The following EYS variants were observed in gnomAD, a reference collection of about 807,000 sequenced individuals.
EYS encodes protein eyes shut homolog.
EYS carries 250 observed loss-of-function variants against 282.1 expected under a neutral mutation model. That is an observed-to-expected ratio of 0.89 (90% CI 0.80 to 0.98). The LOEUF is 0.98. EYS is among the 50% of genes least tolerant of loss of function. The pLI, the probability that EYS is intolerant of heterozygous loss-of-function variation, is 0.00. For synonymous variants in EYS, 1,355 were observed against 1,282.9 expected (o/e 1.06, Z -1.20); for missense variants, 4,016 against 3,709.0 (o/e 1.08, Z -2.15).
At chr6:65,574,497 A>G (rs1764590500) in intron 2 of EYS, among the ~76,000 whole-genome samples, 1 of 152,174 alleles carries the variant, frequency 6.6e-6, no homozygotes, top group South Asian at 2.1e-4. Flanking sequence ...TATCAGGTAA[A>G]ATAAACTTTA....
intron 2 of EYS, among the ~76,000 whole-genome samples, chr6:65,533,160 G>A (rs1204886445): frequency 3.3e-5 from 5 of 151,834 alleles, no homozygotes; most frequent in Admixed American, 6.6e-5. Flanking sequence ...GAACAACACC[G>A]ATCCCACAGA....
At chr6:64,343,246 A>C (rs1771209739) in intron 29 of EYS, among the ~76,000 whole-genome samples, 1 of 152,050 alleles carries the variant, frequency 6.6e-6, no homozygotes, top group Non-Finnish European at 1.5e-5. Flanking sequence ...AAATCAACAG[A>C]ATATACATTT....
At chr6:64,617,022 A>G (rs1004627233) in intron 24 of EYS, among the ~76,000 whole-genome samples, 17 of 152,120 alleles carry the variant, frequency 1.1e-4, no homozygotes, top group African/African-American at 2.2e-4. Context: ...CCTCGGACAT[A>G]CAATATGCTG....
intron 12 of EYS, among the ~76,000 whole-genome samples, chr6:65,091,322 C>A (rs1484106338): frequency 6.8e-6 from 1 of 147,728 alleles, no homozygotes; most frequent in Non-Finnish European, 1.5e-5. Context: ...TGGTGGTAGG[C>A]ACCTGTAATC....
At chr6:64,567,373 A>C (rs1765597073) in intron 26 of EYS, among the ~76,000 whole-genome samples, 1 of 152,142 alleles carries the variant, frequency 6.6e-6, no homozygotes, top group Non-Finnish European at 1.5e-5. Flanking sequence ...TCTTGCCATT[A>C]ATTTATCTAT....
chr6:64,951,940 G>A (rs556412676), intron 14 of EYS, among the ~76,000 whole-genome samples: 1 of 151,872 alleles, frequency 6.6e-6, no homozygotes, highest in Non-Finnish European at 1.5e-5. Flanking sequence ...TTCAAAAGAT[G>A]GCAAAAAGAG....
intron 5 of EYS, among the ~76,000 whole-genome samples, chr6:65,405,680 G>C (rs1766705608): frequency 6.6e-6 from 1 of 151,928 alleles, no homozygotes; most frequent in South Asian, 2.1e-4. Flanking sequence ...TCATTAGAAA[G>C]GTATGATGGA....
At chr6:63,757,359 C>G (rs1211013392) in intron 41 of EYS, among the ~76,000 whole-genome samples, 1 of 152,044 alleles carries the variant, frequency 6.6e-6, no homozygotes, top group African/African-American at 2.4e-5. Flanking sequence ...AATTTGAGGT[C>G]TGACTGGTTC....
chr6:65,541,865 T>G (rs1350104933), intron 2 of EYS, among the ~76,000 whole-genome samples: 5 of 151,958 alleles, frequency 3.3e-5, no homozygotes, highest in Non-Finnish European at 7.4e-5. Context: ...AAGAAATGAG[T>G]GATTGTATAT....
chr6:64,944,794 C>T (rs942966646), intron 15 of EYS, among the ~76,000 whole-genome samples: 14 of 152,018 alleles, frequency 9.2e-5, no homozygotes, highest in African/African-American at 2.4e-4. Context: ...AGAGAAAAAC[C>T]GCCCTATGGT....
intron 22 of EYS, among the ~76,000 whole-genome samples, chr6:64,720,358 C>G (rs568640641): frequency 1.3e-5 from 2 of 152,202 alleles, no homozygotes. Flanking sequence ...CCAGGACAAT[C>G]TCCCCATCTC....
chr6:65,202,977 C>A (rs1765940635), intron 12 of EYS, among the ~76,000 whole-genome samples: 1 of 152,156 alleles, frequency 6.6e-6, no homozygotes, highest in Admixed American at 6.5e-5. Flanking sequence ...GAGAGCCTGG[C>A]TGCCAGCTCA....
At chr6:63,760,648 ATATCTATC>A (rs36182718) in intron 41 of EYS, among the ~76,000 whole-genome samples, 49,075 of 145,728 alleles carry the variant, frequency 0.34, 8,389 homozygotes, top group Non-Finnish European at 0.36. Context: ...GTATGTATGT[ATATCTATC>A]TATCTATCTA....
At chr6:65,389,246 T>C (rs1375294391) in intron 7 of EYS, among the ~76,000 whole-genome samples, 3 of 152,136 alleles carry the variant, frequency 2.0e-5, no homozygotes, top group Non-Finnish European at 2.9e-5. Flanking sequence ...AAGGCATTCA[T>C]GATCTAAAGC....
chr6:64,106,201 T>C (rs1773003266), intron 31 of EYS, among the ~76,000 whole-genome samples: 1 of 152,106 alleles, frequency 6.6e-6, no homozygotes, highest in South Asian at 2.1e-4. Context: ...TTCTTTCATT[T>C]CTTAGTATAT....
intron 29 of EYS, among the ~76,000 whole-genome samples, chr6:64,307,293 A>C (rs1191420179): frequency 1.3e-5 from 2 of 152,108 alleles, no homozygotes; most frequent in Non-Finnish European, 2.9e-5. Flanking sequence ...ATTATGAATA[A>C]TGCTGCAATG....
intron 30 of EYS, among the ~76,000 whole-genome samples, chr6:64,297,627 TGAAA>T (rs1769079676): frequency 6.6e-6 from 1 of 152,128 alleles, no homozygotes; most frequent in African/African-American, 2.4e-5. Context: ...TTCAAAACAC[TGAAA>T]GAAAACAACT....
chr6:64,875,583 A>C (rs1766724550), intron 19 of EYS, among the ~76,000 whole-genome samples: 1 of 152,074 alleles, frequency 6.6e-6, no homozygotes, highest in Non-Finnish European at 1.5e-5. Flanking sequence ...CATAGGAGCC[A>C]TCCATGTATA....
chr6:65,397,583 GGTGTGTGTGTGT>G (rs58522364), intron 7 of EYS, among the ~76,000 whole-genome samples: 3,590 of 138,224 alleles, frequency 0.026, 57 homozygotes, highest in South Asian at 0.033. Context: ...TGTATTTCAT[GGTGTGTGTGTGT>G]GTGTGTGTGT....
Sources: allele counts gnomAD v4.1 joint callset (sites outside exome capture counted in the v4.1 genomes callset), GRCh38; gene constraint gnomAD v4.1.1; transcripts MANE v1.5; gene names NCBI Gene and HGNC (gene_info 2026-07-23, HGNC 2026-07-21).